Variants in OPCML observed in about 807,000 individuals in gnomAD.
OPCML encodes opioid-binding protein/cell adhesion molecule.
A neutral mutation model predicts 37.8 loss-of-function variants in OPCML; 13 were observed. The ratio of observed to expected loss-of-function variants is 0.34; its 90% confidence interval spans 0.22 to 0.55. OPCML has a LOEUF of 0.55. Ranked by LOEUF, OPCML falls within the 20% of genes least tolerant of loss-of-function variation. The pLI is 0.91. For missense variants in OPCML, 341 were observed against 435.6 expected (o/e 0.78, Z 1.93); for synonymous variants, 176 against 168.8 (o/e 1.04, Z -0.33).
intron 2 of OPCML, among the ~76,000 whole-genome samples, chr11:132,722,750 G>T (rs1213812661): frequency 6.6e-6 from 1 of 152,160 alleles, no homozygotes; most frequent in African/African-American, 2.4e-5. Context: ...GAACTGGGCA[G>T]GATCAAGTAG....
At chr11:133,109,919 T>C (rs1436797151) in intron 1 of OPCML, among the ~76,000 whole-genome samples, 1 of 152,200 alleles carries the variant, frequency 6.6e-6, no homozygotes, top group African/African-American at 2.4e-5. Context: ...GCATAGTACT[T>C]AATCTCAGGA....
chr11:132,974,548 TTGG>T (rs1206922877), intron 1 of OPCML, among the ~76,000 whole-genome samples: 1 of 152,206 alleles, frequency 6.6e-6, no homozygotes, highest in African/African-American at 2.4e-5. Context: ...TTTTACACTG[TTGG>T]TGGGAGTGTA....
intron 1 of OPCML, among the ~76,000 whole-genome samples, chr11:133,079,896 G>A (rs74739291): frequency 1.3e-5 from 2 of 152,234 alleles, no homozygotes; most frequent in African/African-American, 2.4e-5. Flanking sequence ...CGTCCAAGGG[G>A]ATGGAAGATA....
intron 2 of OPCML, among the ~76,000 whole-genome samples, chr11:132,888,031 T>G (rs964915084): frequency 2.0e-5 from 3 of 152,116 alleles, no homozygotes; most frequent in African/African-American, 7.2e-5. Context: ...TGGGAGAGGC[T>G]TGGAGGGGCA....
At chr11:132,500,651 C>T (rs1290242236) in intron 4 of OPCML, among the ~76,000 whole-genome samples, 1 of 152,116 alleles carries the variant, frequency 6.6e-6, no homozygotes, top group Non-Finnish European at 1.5e-5. Flanking sequence ...TGGTGGTTTG[C>T]TGCACCTATC....
At position 133,375,289 on chromosome 11, in the gene OPCML, A is replaced by G. The variant is rs1269491641; in HGVS notation, c.61+156975T>C. ...TACATACATAAGTATATACCACTCC[A>G]CCACCTCCACGCTGGTCTGTAAACT... On this transcript the variant is annotated intron_variant, in intron 1 of 7. Coordinates refer to ENST00000524381, the MANE Select transcript of OPCML (RefSeq NM_001012393.5). Among the ~76,000 whole-genome samples the G allele has an allele frequency of 2.6e-5, 4 of 152,174 alleles. No individual in the cohort carries two copies. In the East Asian group the frequency reaches 7.7e-4, roughly 29 times the overall value.
At chr11:132,572,072 A>G (rs2096439894) in intron 3 of OPCML, among the ~76,000 whole-genome samples, 2 of 150,500 alleles carry the variant, frequency 1.3e-5, no homozygotes, top group African/African-American at 2.4e-5. Context: ...TCTTTGGAGA[A>G]ATGGCTATTC....
intron 1 of OPCML, among the ~76,000 whole-genome samples, chr11:133,264,454 G>C (rs557459627): frequency 6.6e-6 from 1 of 152,316 alleles, no homozygotes; most frequent in Non-Finnish European, 1.5e-5. Flanking sequence ...AGGCTAACTT[G>C]AGAACCCCCA....
At position 132,550,723 on chromosome 11, in the gene OPCML, CG is replaced by C. The variant is rs576462660; in HGVS notation, c.380-21538del. On this transcript the variant is annotated intron_variant, in intron 3 of 7. Coordinates refer to ENST00000524381, the MANE Select transcript of OPCML (RefSeq NM_001012393.5). The stretch of plus-strand genomic sequence containing the variant: ...GCATGTGTCTGAGAAGAGGAAGGGA[CG>C]GTTTTCACCCACTACTGCCAGAGGA... Among the ~76,000 whole-genome samples the C allele has an allele frequency of 4.1e-4, 63 of 152,312 alleles. 1 individual carries two copies. The South Asian group carries it at 0.01, about 25-fold the overall frequency.
chr11:133,204,230 A>G (rs1323107459), intron 1 of OPCML, among the ~76,000 whole-genome samples: 3 of 152,208 alleles, frequency 2.0e-5, no homozygotes, highest in Non-Finnish European at 2.9e-5. Flanking sequence ...CTGAATGTCA[A>G]ATTAAAAGAA....
At chr11:132,813,845 G>C (rs946947324) in intron 2 of OPCML, among the ~76,000 whole-genome samples, 1 of 152,050 alleles carries the variant, frequency 6.6e-6, no homozygotes, top group African/African-American at 2.4e-5. Context: ...GATAATTACT[G>C]TTTGCCCTCA....
intron 3 of OPCML, among the ~76,000 whole-genome samples, chr11:132,642,760 C>A (rs1002084340): frequency 6.6e-6 from 1 of 152,204 alleles, no homozygotes; most frequent in African/African-American, 2.4e-5. Context: ...GATGAAGATT[C>A]TGAAACATAG....
intron 3 of OPCML, among the ~76,000 whole-genome samples, chr11:132,561,780 G>A (rs1216009694): frequency 1.3e-5 from 2 of 152,342 alleles, no homozygotes; most frequent in African/African-American, 4.8e-5. Context: ...AGTGGACAAC[G>A]ATGGCACAGG....
At chr11:133,310,233 C>T (rs1565564085) in intron 1 of OPCML, among the ~76,000 whole-genome samples, 1 of 152,050 alleles carries the variant, frequency 6.6e-6, no homozygotes, top group Non-Finnish European at 1.5e-5. Flanking sequence ...TTAGTATTTG[C>T]CTGGAAAATG....
At chr11:132,743,903 C>A (rs1027324681) in intron 2 of OPCML, among the ~76,000 whole-genome samples, 4 of 152,186 alleles carry the variant, frequency 2.6e-5, no homozygotes, top group Non-Finnish European at 5.9e-5. Flanking sequence ...CGCATTCTAG[C>A]AGACAAGACA....
chr11:133,395,793 A>G (rs1480670346), intron 1 of OPCML, among the ~76,000 whole-genome samples: 1 of 152,122 alleles, frequency 6.6e-6, no homozygotes, highest in Non-Finnish European at 1.5e-5. Context: ...ATAGCTCTGT[A>G]GTACAATTTG....
At chr11:132,855,989 CAT>C (rs545551885) in intron 2 of OPCML, among the ~76,000 whole-genome samples, 65 of 152,290 alleles carry the variant, frequency 4.3e-4, no homozygotes, top group Non-Finnish European at 8.8e-4. Flanking sequence ...AGTTCAGCTA[CAT>C]ATGATTTCAC....
chr11:132,930,496 A>C (rs957908789), intron 2 of OPCML, among the ~76,000 whole-genome samples: 1 of 152,252 alleles, frequency 6.6e-6, no homozygotes, highest in Non-Finnish European at 1.5e-5. Flanking sequence ...AACATGCACA[A>C]AAATTAGAAC....
intron 1 of OPCML, among the ~76,000 whole-genome samples, chr11:133,271,376 A>T (rs1245208700): frequency 6.6e-6 from 1 of 152,224 alleles, no homozygotes; most frequent in Non-Finnish European, 1.5e-5. Context: ...TCTTTGCCTG[A>T]CATTGATAGA....
Sources: gnomAD v4.1 joint callset for allele counts (sites outside exome capture counted in the v4.1 genomes callset) on GRCh38, gnomAD v4.1.1 for gene constraint, MANE v1.5 for transcripts, NCBI Gene and HGNC (gene_info 2026-07-23, HGNC 2026-07-21) for gene names.